The following DPY19L3 variants were observed in gnomAD, a reference collection of about 807,000 sequenced individuals.
DPY19L3 encodes the protein protein C-mannosyl-transferase DPY19L3.
A neutral mutation model predicts 92.3 loss-of-function variants in DPY19L3; 51 were observed. That is an observed-to-expected ratio of 0.55 (90% CI 0.44 to 0.70). DPY19L3 has a LOEUF of 0.70. DPY19L3 is among the 30% of genes least tolerant of loss of function. The pLI is 0.00. For missense variants in DPY19L3, 706 were observed against 855.9 expected (o/e 0.82, Z 2.18); for synonymous variants, 309 against 315.2 (o/e 0.98, Z 0.21).
At chr19:32,408,106 G>C in intron 1 of DPY19L3, 111 bp from the exon 2 acceptor site, 1 of 613,730 alleles carries the variant, frequency 1.6e-6, no homozygotes, top group East Asian at 2.8e-5. Context: ...AAAAAGGGAG[G>C]GCATGCTAAT....
intron 3 of DPY19L3, among the ~76,000 whole-genome samples, chr19:32,429,894 G>C (rs577888804): frequency 3.3e-5 from 5 of 152,236 alleles, no homozygotes; most frequent in East Asian, 1.9e-4. Flanking sequence ...TTCTAGAAAC[G>C]AGTGATACCA....
rs202155943 is a variant in DPY19L3 at position 32,411,255 on chromosome 19, A to G, written c.120A>G (p.Arg40=). 2 of 1,612,036 alleles carry G rather than the reference A, an allele frequency of 1.2e-6. No individual in the cohort carries two copies. Among genetic ancestry groups the G allele is most frequent in the East Asian group, 2.2e-5 (1 of 44,864 alleles). ...NKLPSGCTSR[R]LWKILSLTIG... ...TTCCAAAAGGTTGTACCAGTAGAAG[A>G]TTATGGAAGATTTTGTCATTGACAA... Residue 40 remains arginine, a synonymous_variant, in exon 3 of 19, where the codon AGA becomes AGG. Transcript: ENST00000392250.
intron 4 of DPY19L3, among the ~76,000 whole-genome samples, chr19:32,435,945 C>T (rs771220298): frequency 2.6e-5 from 4 of 152,220 alleles, no homozygotes; most frequent in Non-Finnish European, 4.4e-5. Flanking sequence ...TGGAATGTGC[C>T]AGTGTCATGG....
At chr19:32,450,241 C>T (rs1048474952) in intron 8 of DPY19L3, among the ~76,000 whole-genome samples, 5 of 152,080 alleles carry the variant, frequency 3.3e-5, no homozygotes, top group Admixed American at 6.5e-5. Context: ...ACAAATGTCG[C>T]GGATGTGAAG....
intron 8 of DPY19L3, among the ~76,000 whole-genome samples, chr19:32,451,613 A>G (rs1969701970): frequency 6.6e-6 from 1 of 152,240 alleles, no homozygotes. Flanking sequence ...TTCACTTGTC[A>G]GAATGAGTAT....
At chr19:32,410,842 C>T (rs1343802815) in intron 2 of DPY19L3, among the ~76,000 whole-genome samples, 1 of 152,122 alleles carries the variant, frequency 6.6e-6, no homozygotes, top group Non-Finnish European at 1.5e-5. Flanking sequence ...AAAGAATAAG[C>T]CACCAATTGT....
chr19:32,462,540 C>A (rs1027430283), intron 12 of DPY19L3, among the ~76,000 whole-genome samples: 2 of 152,094 alleles, frequency 1.3e-5, no homozygotes, highest in Non-Finnish European at 2.9e-5. Flanking sequence ...GTCTGATAAA[C>A]CTCTAGATCT....
At chr19:32,446,424 AAG>A (rs1969501456) in intron 8 of DPY19L3, among the ~76,000 whole-genome samples, 1 of 152,210 alleles carries the variant, frequency 6.6e-6, no homozygotes, top group Admixed American at 6.5e-5. Context: ...ATACTAATTA[AAG>A]AGATGGCAGG....
intron 3 of DPY19L3, among the ~76,000 whole-genome samples, chr19:32,418,724 A>C (rs1968460619): frequency 6.6e-6 from 1 of 152,130 alleles, no homozygotes; most frequent in Non-Finnish European, 1.5e-5. Flanking sequence ...ACTTTTTCTC[A>C]TCAAAATTGG....
chr19:32,471,803 A>G (rs1304575543), intron 16 of DPY19L3, among the ~76,000 whole-genome samples: 2 of 152,198 alleles, frequency 1.3e-5, no homozygotes, highest in African/African-American at 4.8e-5. Flanking sequence ...CTCAAGGGAA[A>G]ATAAAGGGCC....
rs1490376243 is a variant in DPY19L3 at position 32,432,294 on chromosome 19, GTC to G, written c.238-420_238-419del. Among the ~76,000 whole-genome samples the G allele has an allele frequency of 2.0e-5, 3 of 152,094 alleles. No homozygotes were observed. The East Asian group carries it at 5.8e-4, about 29-fold the overall frequency. On this transcript the variant is annotated intron_variant, in intron 3 of 18. Coordinates refer to ENST00000392250, the MANE Select transcript of DPY19L3 (RefSeq NM_001172774.2). ...ACGCTTGTCAGAGTAAAATTCATGT[GTC>G]TGCCTTATTTGACTACAAATACCTT... is the stretch of plus-strand genomic sequence containing the variant.
chr19:32,452,045 T>A (rs1969717261), intron 8 of DPY19L3, among the ~76,000 whole-genome samples: 1 of 152,156 alleles, frequency 6.6e-6, no homozygotes, highest in Non-Finnish European at 1.5e-5. Flanking sequence ...CCCAGGCTGG[T>A]CTTGAACTGG....
intron 9 of DPY19L3, among the ~76,000 whole-genome samples, chr19:32,454,152 G>A (rs1969791719): frequency 6.6e-6 from 1 of 152,100 alleles, no homozygotes; most frequent in South Asian, 2.1e-4. Context: ...ATTTAACAAT[G>A]TATAAAATTA....
chr19:32,435,268 G>A (rs1000172176), intron 4 of DPY19L3, among the ~76,000 whole-genome samples: 3 of 152,180 alleles, frequency 2.0e-5, no homozygotes, highest in African/African-American at 7.2e-5. Context: ...ATTACCTCCT[G>A]TAGGCCCTGT....
intron 3 of DPY19L3, among the ~76,000 whole-genome samples, chr19:32,416,790 G>C (rs1214405033): frequency 2.6e-5 from 4 of 152,178 alleles, no homozygotes; most frequent in African/African-American, 7.2e-5. Context: ...CTGGTGTCTA[G>C]TTTTTATTGA....
intron 8 of DPY19L3, among the ~76,000 whole-genome samples, chr19:32,441,497 T>C (rs1038332121): frequency 2.1e-4 from 22 of 105,694 alleles, no homozygotes; most frequent in African/African-American, 5.0e-4. Context: ...TGTGTCTCTT[T>C]TTTTTTTTTT....
chr19:32,426,647 C>T (rs1048901083), intron 3 of DPY19L3, among the ~76,000 whole-genome samples: 1 of 152,208 alleles, frequency 6.6e-6, no homozygotes, highest in African/African-American at 2.4e-5. Context: ...TCAGAACACA[C>T]ACATTTCAGT....
At position 32,482,409 on chromosome 19, in the gene DPY19L3, C is replaced by A; in HGVS notation, c.*169C>A. The A allele has an allele frequency of 2.9e-6, 2 of 701,144 alleles. No individual in the cohort carries two copies. Among genetic ancestry groups the A allele is most frequent in the Non-Finnish European group, 4.6e-6 (2 of 436,866 alleles). The allele number at this position is 701,144 out of a possible 1,614,324, so 43.4% of individuals were successfully genotyped here. On this transcript the variant is annotated 3_prime_UTR_variant, in exon 19 of 19. Transcript: ENST00000392250. ...TTGCCATCTTTGAAAGCATCTTCTA[C>A]AAGCAGAAGTCTTTTTCGTTGTGTG...
At chr19:32,450,582 C>T (rs2145552569) in intron 8 of DPY19L3, among the ~76,000 whole-genome samples, 1 of 152,238 alleles carries the variant, frequency 6.6e-6, no homozygotes, top group South Asian at 2.1e-4. Flanking sequence ...ATGGATGAAA[C>T]TTGAGAACAC....
Sources: allele counts gnomAD v4.1 joint callset (sites outside exome capture counted in the v4.1 genomes callset), GRCh38; gene constraint gnomAD v4.1.1; transcripts MANE v1.5; gene names NCBI Gene and HGNC (gene_info 2026-07-23, HGNC 2026-07-21).